Variants in CMIP observed in about 807,000 individuals in gnomAD.
The protein encoded by CMIP is C-Maf-inducing protein.
Under a neutral mutation model 97.3 loss-of-function variants are expected in CMIP, and 13 were observed. The ratio of observed to expected loss-of-function variants is 0.13; its 90% confidence interval spans 0.09 to 0.21. The LOEUF is 0.21. Ranked by LOEUF, CMIP falls within the 10% of genes least tolerant of loss-of-function variation. The pLI, the probability that CMIP is intolerant of heterozygous loss-of-function variation, is 1.00. For missense variants in CMIP, 847 were observed against 1,024.9 expected, an observed-to-expected ratio of 0.83 and a Z score of 2.37; for synonymous variants, 538 against 436.3, an observed-to-expected ratio of 1.23 and a Z score of -2.91.
At chr16:81,477,476 T>A (rs1907998167) in intron 1 of CMIP, among the ~76,000 whole-genome samples, 1 of 152,130 alleles carries the variant, frequency 6.6e-6, no homozygotes, top group East Asian at 1.9e-4. Flanking sequence ...TCTTAAGGGG[T>A]AGATACAGGG....
chr16:81,538,011 C>G (rs1290339943), intron 1 of CMIP, among the ~76,000 whole-genome samples: 1 of 152,266 alleles, frequency 6.6e-6, no homozygotes, highest in Non-Finnish European at 1.5e-5. Flanking sequence ...ATCGTTTCCA[C>G]TCACCAGGGG....
intron 1 of CMIP, among the ~76,000 whole-genome samples, chr16:81,548,342 C>G (rs1419716016): frequency 6.6e-6 from 1 of 152,088 alleles, no homozygotes; most frequent in African/African-American, 2.4e-5. Flanking sequence ...TTTTGTTGTT[C>G]AGGCTGTTCT....
At chr16:81,445,878 G>A (rs867077577) in intron 1 of CMIP, among the ~76,000 whole-genome samples, 4 of 151,834 alleles carry the variant, frequency 2.6e-5, no homozygotes, top group African/African-American at 9.7e-5. Flanking sequence ...GGGCCCTGAT[G>A]GTGGTGGGGG....
chr16:81,452,869 G>GTTTTT (rs377250298), intron 1 of CMIP, among the ~76,000 whole-genome samples: 4 of 102,994 alleles, frequency 3.9e-5, no homozygotes, highest in Non-Finnish European at 6.0e-5. Flanking sequence ...TTTTTCTTTT[G>GTTTTT]TTTTTTTTTT....
At chr16:81,461,715 G>A (rs1004633248) in intron 1 of CMIP, among the ~76,000 whole-genome samples, 7 of 152,214 alleles carry the variant, frequency 4.6e-5, no homozygotes, top group African/African-American at 1.7e-4. Context: ...ATAGAGGAAA[G>A]CACCTGGGTT....
At chr16:81,670,068 C>A (rs2092667134) in intron 7 of CMIP, 74 bp from the exon 8 acceptor site, 5 of 1,424,692 alleles carry the variant, frequency 3.5e-6, no homozygotes, top group Non-Finnish European at 3.9e-6. Context: ...GCCCTTCTTT[C>A]TGGTGTCCTG....
intron 1 of CMIP, among the ~76,000 whole-genome samples, chr16:81,467,761 A>G (rs2150743559): frequency 6.6e-6 from 1 of 150,462 alleles, no homozygotes; most frequent in African/African-American, 2.4e-5. Flanking sequence ...TTAAATTTTT[A>G]TTAGCAATGG....
intron 17 of CMIP, 91 bp from the exon 18 acceptor site, chr16:81,703,848 G>A (rs912531651): frequency 2.7e-6 from 4 of 1,475,842 alleles, no homozygotes; most frequent in East Asian, 2.5e-5. Context: ...TCTGTAGGGC[G>A]AGGGGAGAGG....
At position 81,652,845 on chromosome 16, in the gene CMIP, T is replaced by C. The variant is rs1264585281; in HGVS notation, c.639+481T>C. On this transcript the variant is annotated intron_variant, in intron 4 of 20. Coordinates refer to ENST00000537098, the MANE Select transcript of CMIP (RefSeq NM_198390.3). This position sits in a 1 kb window ranked among gnomAD's most constrained non-coding sequence, Gnocchi z 5.2. ...TCCAGCCGCGGTTTGCAGCTGGTGCTACCTGATGCCACCCGTCGGCTGGGC... is the reference window on the plus strand; with the variant it reads ...TCCAGCCGCGGTTTGCAGCTGGTGCCACCTGATGCCACCCGTCGGCTGGGC... 2.0e-5 allele frequency among the ~76,000 whole-genome samples: 3 copies of C among 152,218 alleles called. No individual in the cohort carries two copies. Among genetic ancestry groups the C allele is most frequent in the Non-Finnish European group, 2.9e-5 (2 of 68,042 alleles).
chr16:81,498,112 C>T (rs1228929354), intron 1 of CMIP, among the ~76,000 whole-genome samples: 2 of 152,246 alleles, frequency 1.3e-5, no homozygotes, highest in African/African-American at 4.8e-5. Flanking sequence ...TCAGACCCAG[C>T]TGGGTTGGAA....
intron 1 of CMIP, among the ~76,000 whole-genome samples, chr16:81,543,627 C>T (rs1220923511): frequency 6.6e-6 from 1 of 152,176 alleles, no homozygotes; most frequent in Non-Finnish European, 1.5e-5. Flanking sequence ...AGTCACTTCC[C>T]CCCGTTCCTC....
chr16:81,481,802 C>T (rs2089227728), intron 1 of CMIP, among the ~76,000 whole-genome samples: 1 of 151,982 alleles, frequency 6.6e-6, no homozygotes, highest in Non-Finnish European at 1.5e-5. Context: ...TGCTCGCATT[C>T]CTTCCCTCGT....
At chr16:81,491,288 C>T (rs538907813) in intron 1 of CMIP, among the ~76,000 whole-genome samples, 1 of 152,288 alleles carries the variant, frequency 6.6e-6, no homozygotes, top group African/African-American at 2.4e-5. Flanking sequence ...CCAGCCCTTG[C>T]CTTTTGAGTC....
At chr16:81,512,277 C>A (rs1189962890) in intron 1 of CMIP, among the ~76,000 whole-genome samples, 1 of 152,162 alleles carries the variant, frequency 6.6e-6, no homozygotes, top group Non-Finnish European at 1.5e-5. Context: ...TTGCCTCACT[C>A]CAGGGTCCCT....
intron 1 of CMIP, among the ~76,000 whole-genome samples, chr16:81,492,664 CAG>C (rs558658798): frequency 1.4e-4 from 22 of 151,882 alleles, no homozygotes; most frequent in African/African-American, 4.6e-4. Context: ...GGAGGCAAAA[CAG>C]GGGAGGGAAG....
intron 1 of CMIP, among the ~76,000 whole-genome samples, chr16:81,490,751 T>C (rs1220080370): frequency 6.6e-6 from 1 of 151,948 alleles, no homozygotes; most frequent in Admixed American, 6.6e-5. Flanking sequence ...GATGTGAAAC[T>C]TTAAGGAGGG....
intron 5 of CMIP, among the ~76,000 whole-genome samples, chr16:81,658,293 A>G (rs1292997430): frequency 6.6e-6 from 1 of 152,236 alleles, no homozygotes; most frequent in African/African-American, 2.4e-5. Flanking sequence ...TTGGGGTAAA[A>G]TATCTTCCTG....
intron 1 of CMIP, among the ~76,000 whole-genome samples, chr16:81,528,886 C>T (rs572915903): frequency 6.6e-6 from 1 of 152,226 alleles, no homozygotes; most frequent in South Asian, 2.1e-4. Flanking sequence ...TAGGCACTCA[C>T]CCATGCTCCC....
intron 1 of CMIP, among the ~76,000 whole-genome samples, chr16:81,588,219 A>T (rs2091413495): frequency 6.6e-6 from 1 of 152,206 alleles, no homozygotes; most frequent in Non-Finnish European, 1.5e-5. Flanking sequence ...CTGTTGAGGT[A>T]GCAGAAAGGG....
Sources: allele counts gnomAD v4.1 joint callset (sites outside exome capture counted in the v4.1 genomes callset), GRCh38; gene constraint gnomAD v4.1.1; non-coding constraint Gnocchi (gnomAD v3.1); transcripts MANE v1.5; gene names NCBI Gene and HGNC (gene_info 2026-07-23, HGNC 2026-07-21).